The following ANO2 variants were observed in gnomAD, a reference collection of about 807,000 sequenced individuals.
The protein encoded by ANO2 is anoctamin 2, also known as anoctamin-2.
Under a neutral mutation model 124.2 loss-of-function variants are expected in ANO2, and 101 were observed. That is an observed-to-expected ratio of 0.81 (90% CI 0.69 to 0.96). The LOEUF (loss-of-function observed/expected upper bound fraction) is 0.96. ANO2 is among the 40% of genes least tolerant of loss of function. The probability of loss-of-function intolerance (pLI) is 0.00; values close to 1 mark genes in which losing one functional copy is unlikely to be tolerated. For synonymous variants in ANO2, 486 were observed against 482.5 expected (o/e 1.01, Z -0.09); for missense variants, 1,293 against 1,274.5 (o/e 1.01, Z -0.22).
chr12:5,827,894 T>G (rs2137211152), intron 6 of ANO2, 74 bp from the exon 7 acceptor site: 1 of 1,527,700 alleles, frequency 6.5e-7, no homozygotes, highest in African/African-American at 1.4e-5. Context: ...CCCTCACCAC[T>G]GCCTGGCAGG....
intron 19 of ANO2, among the ~76,000 whole-genome samples, chr12:5,610,234 AAT>A (rs1944439164): frequency 7.8e-6 from 1 of 128,390 alleles, no homozygotes; most frequent in East Asian, 2.2e-4. Flanking sequence ...TACTTATATA[AAT>A]ATATAAATGC....
At chr12:5,576,469 A>G (rs1481985780) in intron 22 of ANO2, among the ~76,000 whole-genome samples, 1 of 152,230 alleles carries the variant, frequency 6.6e-6, no homozygotes, top group Non-Finnish European at 1.5e-5. Context: ...AAATACCAAG[A>G]ATATGATTCC....
At chr12:5,695,492 A>G (rs1052588464) in intron 14 of ANO2, among the ~76,000 whole-genome samples, 1 of 152,240 alleles carries the variant, frequency 6.6e-6, no homozygotes, top group East Asian at 1.9e-4. Context: ...AGAAATAGCC[A>G]GGATACAAAC....
intron 14 of ANO2, among the ~76,000 whole-genome samples, chr12:5,661,205 T>C (rs1287662275): frequency 6.6e-6 from 1 of 152,184 alleles, no homozygotes; most frequent in Non-Finnish European, 1.5e-5. Flanking sequence ...TGCCTAGTGC[T>C]TCCTGTCCCT....
chr12:5,918,270 C>G (rs1413876775), intron 3 of ANO2, among the ~76,000 whole-genome samples: 1 of 152,162 alleles, frequency 6.6e-6, no homozygotes, highest in Non-Finnish European at 1.5e-5. Flanking sequence ...GGTGGAAAGA[C>G]TAACCCAGGA....
chr12:5,880,857 T>TGGATGGAG (rs1938442300), intron 3 of ANO2, among the ~76,000 whole-genome samples: 2 of 143,774 alleles, frequency 1.4e-5, no homozygotes, highest in South Asian at 2.3e-4. Flanking sequence ...GGTGGGTGGA[T>TGGATGGAG]AGATGGATGA....
intron 5 of ANO2, among the ~76,000 whole-genome samples, chr12:5,831,999 G>A (rs907771969): frequency 4.6e-5 from 7 of 152,194 alleles, no homozygotes; most frequent in African/African-American, 1.7e-4. Flanking sequence ...ACCCCTGAGA[G>A]TCAATGAGTG....
intron 3 of ANO2, among the ~76,000 whole-genome samples, chr12:5,873,236 T>TCTCTCTCTCTCTCTCTCTCTCC (rs1937846253): frequency 6.7e-6 from 1 of 149,480 alleles, no homozygotes; most frequent in Non-Finnish European, 1.5e-5. Flanking sequence ...TCTCTCTCTC[T>TCTCTCTCTCTCTCTCTCTCTCC]CTCTCTCTCT....
chr12:5,890,230 G>A (rs1342882419), intron 3 of ANO2, among the ~76,000 whole-genome samples: 1 of 152,114 alleles, frequency 6.6e-6, no homozygotes, highest in Non-Finnish European at 1.5e-5. Flanking sequence ...GGAGGTGCTT[G>A]CAGCCTCATT....
Position 5,904,487 on chromosome 12 carries a change from C to A in ANO2, c.534+16553G>T, listed in dbSNP as rs1940538397. On this transcript the variant is annotated intron_variant, in intron 3 of 24. Transcript: ENST00000682330. This position sits in a 1 kb window ranked among gnomAD's most constrained non-coding sequence, Gnocchi z 4.1. ...CCAGGGCAGACGCCTCGCAGGCCCACCATCACCTCTCCTGATGCCTGTAGC... is the reference window on the plus strand; with the variant it reads ...CCAGGGCAGACGCCTCGCAGGCCCAACATCACCTCTCCTGATGCCTGTAGC... 6.6e-6 allele frequency among the ~76,000 whole-genome samples: 1 copy of A among 152,160 alleles called. No homozygotes were observed.
At chr12:5,770,414 A>G (rs559682752) in intron 10 of ANO2, among the ~76,000 whole-genome samples, 10 of 152,286 alleles carry the variant, frequency 6.6e-5, no homozygotes, top group African/African-American at 1.7e-4. Context: ...TCCTTGTTGC[A>G]CTGGAACAAT....
chr12:5,595,473 T>C (rs1461228600), intron 20 of ANO2, among the ~76,000 whole-genome samples: 1 of 152,044 alleles, frequency 6.6e-6, no homozygotes, highest in African/African-American at 2.4e-5. Context: ...TCCTCCTGTC[T>C]CAGCCTCCCA....
chr12:5,827,827 G>A lies in ANO2; in HGVS notation c.841-7C>T. 1 of 1,609,334 alleles carries A rather than the reference G, an allele frequency of 6.2e-7. No individual in the cohort carries two copies. Among genetic ancestry groups the A allele is most frequent in the Non-Finnish European group, 8.5e-7 (1 of 1,178,088 alleles). ...GCTTCAGGATCTCGTGCACCTAAAA[G>A]GGGACGACAGCAGAGCTGTGAGCTC... On this transcript the variant is annotated splice_polypyrimidine_tract_variant and splice_region_variant and intron_variant, in intron 6 of 24. Coordinates refer to ENST00000682330, the MANE Select transcript of ANO2 (RefSeq NM_001364791.2).
rs1256905752 is a variant in ANO2 at position 5,769,577 on chromosome 12, G to A, written c.1056-18607C>T. Among the ~76,000 whole-genome samples the A allele has an allele frequency of 2.0e-5, 3 of 152,262 alleles. No individual in the cohort carries two copies. Among genetic ancestry groups the A allele is most frequent in the African/African-American group, 4.8e-5 (2 of 41,548 alleles). ...ATCCTCATCTGAATCCAAGAGAAAC[G>A]GTAAAGGCAAGTCCTGATTCCAGGT... On this transcript the variant is annotated intron_variant, in intron 10 of 24. Transcript: ENST00000682330. The surrounding 1 kb of genome is among the most constrained non-coding windows in gnomAD (Gnocchi z 4.0).
rs368252248 is a variant in ANO2, at chr12:5,926,874, T to A, written c.23-4070A>T. Among the ~76,000 whole-genome samples the A allele has an allele frequency of 9.8e-5, 15 of 152,330 alleles. No homozygotes were observed. In the East Asian group the frequency reaches 2.5e-3, roughly 25 times the overall value. ...CCCAAGACAAACCCTTTCTCTGAGCTTAGTTTTTACTTCGGTGATTTGGGA... is the reference window on the plus strand; with the variant it reads ...CCCAAGACAAACCCTTTCTCTGAGCATAGTTTTTACTTCGGTGATTTGGGA... On this transcript the variant is annotated intron_variant, in intron 1 of 24. Transcript: ENST00000682330.
intron 14 of ANO2, among the ~76,000 whole-genome samples, chr12:5,714,783 A>C (rs1200717573): frequency 6.6e-6 from 1 of 152,240 alleles, no homozygotes; most frequent in Admixed American, 6.5e-5. Context: ...AACGTGCGAT[A>C]GTTAAGAATG....
chr12:5,939,442 A>T (rs1311412964), intron 1 of ANO2, among the ~76,000 whole-genome samples: 1 of 152,068 alleles, frequency 6.6e-6, no homozygotes, highest in African/African-American at 2.4e-5. Flanking sequence ...GATGAGTTAG[A>T]TCCATCCTCC....
At chr12:5,808,249 T>C (rs561091757) in intron 7 of ANO2, among the ~76,000 whole-genome samples, 2 of 152,342 alleles carry the variant, frequency 1.3e-5, no homozygotes, top group East Asian at 3.9e-4. Context: ...CACTTGCACA[T>C]AGCAGACCCT....
At chr12:5,765,533 G>C (rs1951865246) in intron 10 of ANO2, among the ~76,000 whole-genome samples, 1 of 152,180 alleles carries the variant, frequency 6.6e-6, no homozygotes, top group Non-Finnish European at 1.5e-5. Context: ...CACAAGCTCT[G>C]GTGTGGGAAA....
Sources: gnomAD v4.1 joint callset for allele counts (sites outside exome capture counted in the v4.1 genomes callset) on GRCh38, gnomAD v4.1.1 for gene constraint, Gnocchi (gnomAD v3.1) non-coding constraint, MANE v1.5 for transcripts, NCBI Gene and HGNC (gene_info 2026-07-23, HGNC 2026-07-21) for gene names.